The following CARNMT1 variants were observed in gnomAD, a reference collection of about 807,000 sequenced individuals.
The protein encoded by CARNMT1 is carnosine N-methyltransferase 1, also known as protein-L-histidine N-pros-methyltransferase CARNMT1.
In CARNMT1, 28 loss-of-function variants were observed where a neutral mutation model predicts 49.6. That is an observed-to-expected ratio of 0.56 (90% confidence interval 0.42 to 0.77). CARNMT1 has a LOEUF of 0.77. Among genes scored for constraint, CARNMT1 ranks in the 30% least tolerant of loss-of-function variants. CARNMT1 has a pLI of 0.00. For missense variants in CARNMT1, 421 were observed against 512.6 expected, an observed-to-expected ratio of 0.82 and a Z score of 1.73; for synonymous variants, 178 against 175.0, an observed-to-expected ratio of 1.02 and a Z score of -0.13.
Position 74,983,881 on chromosome 9 carries a change from C to A in CARNMT1, c.1129-13G>T. The A allele has an allele frequency of 6.4e-7, 1 of 1,568,176 alleles. No homozygotes were observed. Among genetic ancestry groups the A allele is most frequent in the Non-Finnish European group, 8.7e-7 (1 of 1,150,416 alleles). On this transcript the variant is annotated splice_polypyrimidine_tract_variant and intron_variant, in intron 7 of 7. Coordinates refer to ENST00000376834, the MANE Select transcript of CARNMT1 (RefSeq NM_152420.3). ...ATTCTTTTTCCACCTGCAATGCAAA[C>A]AATAATCATAATACTATGACAGTCA...
rs1832679198 is a variant in CARNMT1 at position 74,981,052 on chromosome 9, G to A, written c.*2715C>T. The A allele has an allele frequency of 6.6e-6, 1 of 152,060 alleles. No individual in the cohort carries two copies. Among genetic ancestry groups the A allele is most frequent in the African/African-American group, 2.4e-5 (1 of 41,418 alleles). 9.4% of individuals were successfully genotyped at this position (152,060 alleles called of 1,614,324 possible). On this transcript the variant is annotated 3_prime_UTR_variant, in exon 8 of 8. Transcript: ENST00000376834. ...GCAATTGGCAGACTTTAATATTCAA[G>A]AAAAATTAATTTCATCATACACATT... is the stretch of plus-strand genomic sequence containing the variant.
In CARNMT1 at chr9:74,999,849, A is replaced by C; in HGVS notation, c.612T>G (p.Ile204Met). 1 of 1,610,900 alleles carries C rather than the reference A, an allele frequency of 6.2e-7. No homozygotes were observed. Among genetic ancestry groups the C allele is most frequent in the Non-Finnish European group, 8.5e-7 (1 of 1,178,540 alleles). ...TTCCTAGTCCAGCACCAGGTACCAG[A>C]ATATTTACTTTAGAAGGATCCCTGA... ...KERWDPSKVN[I>M]LVPGAGLGRL... is the part of the protein sequence containing the mutation. Residue 204 changes from isoleucine to methionine, a missense_variant, in exon 4 of 8, where the codon ATT becomes ATG. Ile to Met is a conservative substitution (Grantham distance 10). Coordinates refer to ENST00000376834, the MANE Select transcript of CARNMT1 (RefSeq NM_152420.3).
intron 3 of CARNMT1, among the ~76,000 whole-genome samples, chr9:75,001,716 A>G (rs186679690): frequency 2.0e-4 from 31 of 152,322 alleles, no homozygotes; most frequent in African/African-American, 6.7e-4. Flanking sequence ...TGGTCTTTAC[A>G]CAAGGGATAT....
In CARNMT1 at chr9:75,017,431, C is replaced by A; in HGVS notation, c.248G>T (p.Arg83Leu). ...AAACTGTCTTTCTGTTCGGTTCACC[C>A]GCTCATGCATACTGGTGCTAAAACA... ...FRYYGTSMHE[R>L]VNRTERQFRS... The change falls in exon 2 of 8, where the codon CGG (arginine) becomes CTG (leucine). Residue 83 changes from arginine to leucine, a missense_variant. Physicochemically the swap from Arg to Leu is moderately radical, Grantham distance 102. Transcript: ENST00000376834. 1.2e-6 allele frequency: 2 copies of A among 1,613,858 alleles called. No homozygotes were observed. Among genetic ancestry groups the A allele is most frequent in the Middle Eastern group, 1.7e-4 (1 of 6,060 alleles).
chr9:75,006,065 CT>C (rs1470507004), intron 3 of CARNMT1, among the ~76,000 whole-genome samples: 12 of 147,690 alleles, frequency 8.1e-5, no homozygotes, highest in Non-Finnish European at 1.4e-4. Context: ...TCTTCCTTTT[CT>C]TTTTTTTTTG....
In CARNMT1 at chr9:75,016,363, A is replaced by G. The variant is rs1345929278; in HGVS notation, c.495T>C (p.Phe165=). 6 of 1,614,004 alleles carry G rather than the reference A, an allele frequency of 3.7e-6. No individual in the cohort carries two copies. The highest frequency in any genetic ancestry group is 5.1e-6 in the Non-Finnish European group (6 of 1,179,980). ...TCCCAGTTTCACTCCAGTCTCTCACAAACTGTTTCAGCGTGGATTTTAACT... is the reference window on the plus strand; with the variant it reads ...TCCCAGTTTCACTCCAGTCTCTCACGAACTGTTTCAGCGTGGATTTTAACT... The part of the protein sequence containing the change: ...MDKLKSTLKQ[F]VRDWSETGKA... The change falls in exon 3 of 8, where the codon TTT becomes TTC. Residue 165 remains phenylalanine, a synonymous_variant. Transcript: ENST00000376834.
rs754398588 is a variant in CARNMT1, at chr9:75,016,248, A to T, written c.590+20T>A. On this transcript the variant is annotated intron_variant, in intron 3 of 7. Transcript: ENST00000376834. ...GTTCATACACTTTAAAAACTTGGTT[A>T]AAAATGAGGTACTATTTACCATCTC... The T allele has an allele frequency of 3.8e-6, 6 of 1,578,276 alleles. No individual in the cohort carries two copies. Among genetic ancestry groups the T allele is most frequent in the African/African-American group, 1.4e-5 (1 of 73,688 alleles).
rs770596677 is a variant in CARNMT1 at position 75,028,107 on chromosome 9, C to T, written c.135G>A (p.Ala45=). ...GRWGSAAAVS[A]AAAAATRSTE... is the part of the protein sequence containing the mutation. ...TGCTGCGCGTGGCCGCCGCCGCTGCCGCCGAAACCGCCGCGGCCGAGCCCC... is the reference window on the plus strand; with the variant it reads ...TGCTGCGCGTGGCCGCCGCCGCTGCTGCCGAAACCGCCGCGGCCGAGCCCC... Residue 45 remains alanine, a synonymous_variant, in exon 1 of 8, where the codon GCG becomes GCA. Coordinates refer to ENST00000376834, the MANE Select transcript of CARNMT1 (RefSeq NM_152420.3). The T allele has an allele frequency of 3.9e-6, 6 of 1,555,064 alleles. No individual in the cohort carries two copies. Among genetic ancestry groups the T allele is most frequent in the Non-Finnish European group, 5.2e-6 (6 of 1,152,066 alleles).
chr9:75,000,836 C>A (rs893394661), intron 3 of CARNMT1, among the ~76,000 whole-genome samples: 1 of 152,106 alleles, frequency 6.6e-6, no homozygotes, highest in Admixed American at 6.6e-5. Context: ...AGCAACAGGG[C>A]ACTTTACTAG....
chr9:75,008,542 G>A (rs1034022812), intron 3 of CARNMT1, among the ~76,000 whole-genome samples: 7 of 152,200 alleles, frequency 4.6e-5, no homozygotes, highest in Admixed American at 4.6e-4. Flanking sequence ...TCCTGATCTC[G>A]TGATCCACCT....
intron 6 of CARNMT1, among the ~76,000 whole-genome samples, chr9:74,988,303 A>G (rs1832910231): frequency 1.3e-5 from 2 of 151,466 alleles, no homozygotes; most frequent in Admixed American, 6.6e-5. Context: ...GGAAGCTGAG[A>G]TAACATGAAA....
chr9:74,998,937 T>C (rs570430204), intron 4 of CARNMT1, among the ~76,000 whole-genome samples, 161 bp from the exon 5 acceptor site: 2 of 152,006 alleles, frequency 1.3e-5, no homozygotes, highest in Non-Finnish European at 2.9e-5. Context: ...AATGTACATA[T>C]ACATGTAGAT....
intron 1 of CARNMT1, 52 bp from the exon 2 acceptor site, chr9:75,017,500 C>T: frequency 1.4e-6 from 2 of 1,467,744 alleles, no homozygotes; most frequent in Non-Finnish European, 1.9e-6. Context: ...TCACCAGAGG[C>T]CAATCTTACT....
chr9:75,002,266 G>C (rs1587272066), intron 3 of CARNMT1, among the ~76,000 whole-genome samples: 1 of 152,172 alleles, frequency 6.6e-6, no homozygotes, highest in Non-Finnish European at 1.5e-5. Flanking sequence ...CACACAGAAC[G>C]ATCTTTGCAC....
rs1832717983 is a variant in CARNMT1, at chr9:74,982,616, A to G, written c.*1151T>C. 6.6e-6 allele frequency: 1 copy of G among 152,204 alleles called. No individual in the cohort carries two copies. Among genetic ancestry groups the G allele is most frequent in the African/African-American group, 2.4e-5 (1 of 41,442 alleles). The allele number at this position is 152,204 out of a possible 1,614,324, so 9.4% of individuals were successfully genotyped here. ...CAGTAATATATCCCTGAATTTCATAATCAAAATTCCCCACATTAATACTAT... is the reference window on the plus strand; with the variant it reads ...CAGTAATATATCCCTGAATTTCATAGTCAAAATTCCCCACATTAATACTAT... On this transcript the variant is annotated 3_prime_UTR_variant, in exon 8 of 8. Transcript: ENST00000376834.
At chr9:74,994,172 C>T (rs1194926292) in intron 6 of CARNMT1, among the ~76,000 whole-genome samples, 1 of 152,204 alleles carries the variant, frequency 6.6e-6, no homozygotes, top group Non-Finnish European at 1.5e-5. Context: ...TATGTGAATA[C>T]ACAGCAAGAG....
intron 3 of CARNMT1, among the ~76,000 whole-genome samples, chr9:75,011,849 T>G (rs902599404): frequency 1.3e-5 from 2 of 152,136 alleles, no homozygotes; most frequent in African/African-American, 4.8e-5. Flanking sequence ...ACAGCCACAG[T>G]GAAAACAATT....
At chr9:75,014,022 A>T (rs1833776406) in intron 3 of CARNMT1, among the ~76,000 whole-genome samples, 1 of 44,374 alleles carries the variant, frequency 2.3e-5, no homozygotes. Context: ...CACTTACTTA[A>T]AAAAAAAAAA....
intron 3 of CARNMT1, among the ~76,000 whole-genome samples, chr9:75,009,108 T>C (rs1325157893): frequency 6.8e-6 from 1 of 147,578 alleles, no homozygotes. Flanking sequence ...AAACTGGATA[T>C]CCATATGCAA....
Sources: allele counts gnomAD v4.1 joint callset (sites outside exome capture counted in the v4.1 genomes callset), GRCh38; gene constraint gnomAD v4.1.1; transcripts MANE v1.5; gene names NCBI Gene and HGNC (gene_info 2026-07-23, HGNC 2026-07-21).